The following PSEN1 variants were observed in gnomAD, a reference collection of about 807,000 sequenced individuals.
The protein encoded by PSEN1 is presenilin-1.
A neutral mutation model predicts 53.5 loss-of-function variants in PSEN1; 15 were observed. The observed-to-expected ratio is 0.28, with a 90% CI of 0.19 to 0.43. The LOEUF is 0.43. Ranked by LOEUF, PSEN1 falls within the 20% of genes least tolerant of loss-of-function variation. The probability of loss-of-function intolerance (pLI) is 1.00; values close to 1 mark genes in which losing one functional copy is unlikely to be tolerated. For synonymous variants in PSEN1, 208 were observed against 209.8 expected (o/e 0.99, Z 0.08); for missense variants, 387 against 571.2 (o/e 0.68, Z 3.29).
At chr14:73,195,660 T>C (rs12587473) in intron 7 of PSEN1, among the ~76,000 whole-genome samples, 6,380 of 152,208 alleles carry the variant, frequency 0.042, 363 homozygotes, top group African/African-American at 0.12. Context: ...GGCACGATTA[T>C]AGCTCACTGT....
At chr14:73,201,245 G>A (rs950039534) in intron 8 of PSEN1, among the ~76,000 whole-genome samples, 14 of 151,912 alleles carry the variant, frequency 9.2e-5, no homozygotes, top group South Asian at 2.1e-4. Context: ...ACGCCGCCAC[G>A]CCCGGCTAAT....
At chr14:73,157,391 G>C (rs1472590087) in intron 3 of PSEN1, among the ~76,000 whole-genome samples, 1 of 151,710 alleles carries the variant, frequency 6.6e-6, no homozygotes, top group East Asian at 1.9e-4. Flanking sequence ...CGCCTGCCTC[G>C]ATCTCCCAAA....
Position 73,206,380 on chromosome 14 carries a change from C to T in PSEN1, c.869-6C>T, listed in dbSNP as rs754537407. 1.2e-6 allele frequency: 2 copies of T among 1,612,972 alleles called. No individual in the cohort carries two copies. Among genetic ancestry groups the T allele is most frequent in the Non-Finnish European group, 1.7e-6 (2 of 1,179,038 alleles). Reference sequence around the variant, plus strand: ...TGCTTACCTGGAATTTTGTCTTTCCCAACAGCAACAATGGTGTGGTTGGTG... The same window carrying T: ...TGCTTACCTGGAATTTTGTCTTTCCTAACAGCAACAATGGTGTGGTTGGTG... On this transcript the variant is annotated splice_region_variant and splice_polypyrimidine_tract_variant and intron_variant, in intron 8 of 11. Coordinates refer to ENST00000324501, the MANE Select transcript of PSEN1 (RefSeq NM_000021.4).
chr14:73,179,498 T>A (rs979215090), intron 5 of PSEN1, among the ~76,000 whole-genome samples: 2 of 152,202 alleles, frequency 1.3e-5, no homozygotes, highest in Admixed American at 6.5e-5. Flanking sequence ...GCACCTGTAG[T>A]TCCAGTTACT....
chr14:73,192,039 G>T (rs557701527), intron 6 of PSEN1, among the ~76,000 whole-genome samples: 2 of 151,904 alleles, frequency 1.3e-5, no homozygotes, highest in Admixed American at 1.3e-4. Flanking sequence ...TATAGTTATG[G>T]CCTGTGCAAC....
chr14:73,137,014 A>C (rs1474651912), intron 1 of PSEN1: 1 of 154,982 alleles, frequency 6.5e-6, no homozygotes, highest in Non-Finnish European at 1.4e-5. Context: ...CGAAGTCCGC[A>C]CGCCTCTTGT....
At chr14:73,218,613 C>T (rs1900019381) in intron 11 of PSEN1, among the ~76,000 whole-genome samples, 3 of 151,956 alleles carry the variant, frequency 2.0e-5, no homozygotes, top group Non-Finnish European at 4.4e-5. Context: ...TCATGCTTCA[C>T]GGAGGAGCCT....
At chr14:73,201,067 G>A (rs1416007277) in intron 8 of PSEN1, among the ~76,000 whole-genome samples, 1 of 147,956 alleles carries the variant, frequency 6.8e-6, no homozygotes, top group African/African-American at 2.6e-5. Flanking sequence ...CAAAAAAAGA[G>A]AATATCTTTT....
intron 1 of PSEN1, among the ~76,000 whole-genome samples, chr14:73,140,645 C>CT (rs2140491803): frequency 6.6e-6 from 1 of 152,146 alleles, no homozygotes; most frequent in South Asian, 2.1e-4. Flanking sequence ...TTCTAAGACC[C>CT]TGTAGGGGCA....
In PSEN1 at chr14:73,189,426, C is replaced by T. The variant is rs185391558; in HGVS notation, c.548+2506C>T. Among the ~76,000 whole-genome samples the T allele has an allele frequency of 6.0e-5, 9 of 150,328 alleles. No individual in the cohort carries two copies. The South Asian group carries it at 8.5e-4, about 14-fold the overall frequency. On this transcript the variant is annotated intron_variant, in intron 6 of 11. Coordinates refer to ENST00000324501, the MANE Select transcript of PSEN1 (RefSeq NM_000021.4). ...AGGAGTTTGAGACCAGCCTGGCCAA[C>T]GTGGTGAAAACCCACCTCTACTAAA...
chr14:73,142,787 A>G (rs778879417), intron 1 of PSEN1, among the ~76,000 whole-genome samples: 1 of 152,184 alleles, frequency 6.6e-6, no homozygotes, highest in Non-Finnish European at 1.5e-5. Flanking sequence ...ATCTCTTTGT[A>G]TATAATAGAT....
chr14:73,138,546 C>T (rs540867989), intron 1 of PSEN1, among the ~76,000 whole-genome samples: 85 of 150,452 alleles, frequency 5.6e-4, no homozygotes, highest in African/African-American at 2.0e-3. Flanking sequence ...GAGATGGGAG[C>T]CTCACTATGT....
rs200824179 is a variant in PSEN1 at position 73,170,804 on chromosome 14, A to G, written c.95A>G (p.Asn32Ser). The change falls in exon 4 of 12, where the codon AAT becomes AGT. Residue 32 changes from asparagine (N) to serine (S), a missense_variant. By Grantham distance (46) the Asn-to-Ser change is conservative. Coordinates refer to ENST00000324501, the MANE Select transcript of PSEN1 (RefSeq NM_000021.4). The stretch of plus-strand genomic sequence containing the variant: ...TTTTTCTTGTGCTTATAGAATGACA[A>G]TAGAGAACGGCAGGAGCACAACGAC... ...LSNTVRSQND[N>S]RERQEHNDRR... The G allele has an allele frequency of 6.9e-5, 111 of 1,614,210 alleles. 1 individual carries two copies. In the South Asian group the frequency reaches 1.1e-3, roughly 16 times the overall value.
chr14:73,184,079 C>T (rs566408509), intron 5 of PSEN1, among the ~76,000 whole-genome samples: 7 of 131,692 alleles, frequency 5.3e-5, no homozygotes, highest in East Asian at 2.3e-4. Flanking sequence ...CCCTCCCAGA[C>T]GGGGCGGCTG....
chr14:73,138,407 C>G lies in PSEN1; in HGVS notation c.-136+1824C>G, dbSNP rs1022788815. Reference sequence around the variant, plus strand: ...CTAATTTTTTTGTATTTTTAGTAGACACGGGGTTTCACCGTGTTAGCCAGT... The same window carrying G: ...CTAATTTTTTTGTATTTTTAGTAGAGACGGGGTTTCACCGTGTTAGCCAGT... On this transcript the variant is annotated intron_variant, in intron 1 of 11. Transcript: ENST00000324501. Among the ~76,000 whole-genome samples the G allele has an allele frequency of 1.5e-4, 22 of 151,008 alleles. No individual in the cohort carries two copies. The East Asian group carries it at 4.1e-3, about 28-fold the overall frequency.
rs933401139 is a variant in PSEN1 at position 73,221,041 on chromosome 14, G to C, written c.*1752G>C. On this transcript the variant is annotated 3_prime_UTR_variant, in exon 12 of 12. Transcript: ENST00000324501. The stretch of plus-strand genomic sequence containing the variant: ...ATGACCTGGTTTGGGGCTGTCTTTG[G>C]TGTTTAGAATATTTGTTTTCTGTCC... 1 of 152,122 alleles carries C rather than the reference G, an allele frequency of 6.6e-6. No homozygotes were observed. Among genetic ancestry groups the C allele is most frequent in the Non-Finnish European group, 1.5e-5 (1 of 68,046 alleles). 9.4% of individuals were successfully genotyped at this position (152,122 alleles called of 1,614,324 possible). A position where few individuals can be genotyped will look rare whatever the true frequency, so the allele number is the denominator to read the frequency against.
intron 5 of PSEN1, among the ~76,000 whole-genome samples, chr14:73,180,570 C>G (rs1898180460): frequency 6.6e-6 from 1 of 152,068 alleles, no homozygotes; most frequent in South Asian, 2.1e-4. Context: ...AAAGACCAAA[C>G]CTTAAAATGT....
In PSEN1 at chr14:73,139,264, CAG is replaced by C. The variant is rs1012200633; in HGVS notation, c.-136+2684_-136+2685del. On this transcript the variant is annotated intron_variant, in intron 1 of 11. Coordinates refer to ENST00000324501, the MANE Select transcript of PSEN1 (RefSeq NM_000021.4). ...CGCCACTGCACTCCAGCCTGGGCAACAGAGTGAGACTTCGTTTTTTTTTTAAA... is the reference window on the plus strand; with the variant it reads ...CGCCACTGCACTCCAGCCTGGGCAACAGTGAGACTTCGTTTTTTTTTTAAA... 3 of 150,490 alleles carry C rather than the reference CAG, an allele frequency of 2.0e-5. No homozygotes were observed. The Admixed American group carries it at 2.0e-4, about 10-fold the overall frequency. 9.3% of individuals were successfully genotyped at this position (150,490 alleles called of 1,614,324 possible). A position where few individuals can be genotyped will look rare whatever the true frequency, so the allele number is the denominator to read the frequency against.
At position 73,154,541 on chromosome 14, in the gene PSEN1, C is replaced by T. The variant is rs552237363; in HGVS notation, c.87+6435C>T. Among the ~76,000 whole-genome samples, 149 of 152,186 alleles carry T rather than the reference C, an allele frequency of 9.8e-4. 3 individuals carry two copies. In the South Asian group the frequency reaches 0.029, roughly 29 times the overall value. Reference sequence around the variant, plus strand: ...GCTTGAGACTAGGAGGTCGAGGCTGCAGTGAGCTGTAATCATGCCACTGCA... The same window carrying T: ...GCTTGAGACTAGGAGGTCGAGGCTGTAGTGAGCTGTAATCATGCCACTGCA... On this transcript the variant is annotated intron_variant, in intron 3 of 11. Transcript: ENST00000324501.
Sources: allele counts gnomAD v4.1 joint callset (sites outside exome capture counted in the v4.1 genomes callset), GRCh38; gene constraint gnomAD v4.1.1; transcripts MANE v1.5; gene names NCBI Gene and HGNC (gene_info 2026-07-23, HGNC 2026-07-21).